The following ST3GAL1 variants were observed in gnomAD, a reference collection of about 807,000 sequenced individuals.
ST3GAL1 encodes ST3 beta-galactoside alpha-2,3-sialyltransferase 1.
ST3GAL1 carries 16 observed loss-of-function variants against 34.1 expected under a neutral mutation model. The observed-to-expected ratio is 0.47, with a 90% CI of 0.32 to 0.71. The LOEUF (loss-of-function observed/expected upper bound fraction) is 0.71, where lower values mean the gene tolerates loss of function less well. ST3GAL1 is among the 30% of genes least tolerant of loss of function. The probability of loss-of-function intolerance (pLI) is 0.04; values close to 1 mark genes in which losing one functional copy is unlikely to be tolerated. For missense variants in ST3GAL1, 353 were observed against 447.4 expected, an observed-to-expected ratio of 0.79 and a Z score of 1.90; for synonymous variants, 191 against 184.7, an observed-to-expected ratio of 1.03 and a Z score of -0.28.
At chr8:133,562,777 GTTTC>G (rs67569776) in intron 1 of ST3GAL1, among the ~76,000 whole-genome samples, 3,306 of 142,032 alleles carry the variant, frequency 0.023, 67 homozygotes, top group Middle Eastern at 0.057. Flanking sequence ...TAAGAAAAGG[GTTTC>G]TTTCTTTCTT....
intron 2 of ST3GAL1, among the ~76,000 whole-genome samples, chr8:133,499,628 G>A (rs757847551): frequency 6.6e-6 from 1 of 152,158 alleles, no homozygotes; most frequent in Non-Finnish European, 1.5e-5. Context: ...TGAGAGGATG[G>A]CACATCCTTT....
rs1432588605 is a variant in ST3GAL1, at chr8:133,515,173, A to G, written c.-428-15984T>C. 9.2e-5 allele frequency among the ~76,000 whole-genome samples: 14 copies of G among 152,262 alleles called. No individual in the cohort carries two copies. The East Asian group carries it at 1.9e-3, about 21-fold the overall frequency. On this transcript the variant is annotated intron_variant, in intron 2 of 9. Coordinates refer to ENST00000522652, the MANE Select transcript of ST3GAL1 (RefSeq NM_173344.3). ...CTCCGAGGACGAGGTCCTCACTGCC[A>G]TCTTGCAAGAGAGCTCGCTCCCATG...
chr8:133,556,871 A>G lies in ST3GAL1; in HGVS notation c.-581-10945T>C, dbSNP rs906200216. Among the ~76,000 whole-genome samples, 3 of 152,176 alleles carry G rather than the reference A, an allele frequency of 2.0e-5. No homozygotes were observed. The highest frequency in any genetic ancestry group is 7.2e-5 in the African/African-American group (3 of 41,436). ...TAGATGATAAAACTAAGTGGAGGGA[A>G]GTGGGAGGGAGGTTGGCAGCGGTGC... is the stretch of plus-strand genomic sequence containing the variant. On this transcript the variant is annotated intron_variant, in intron 1 of 9. Coordinates refer to ENST00000522652, the MANE Select transcript of ST3GAL1 (RefSeq NM_173344.3). The surrounding 1 kb of genome is among the most constrained non-coding windows in gnomAD (Gnocchi z 8.9).
intron 2 of ST3GAL1, among the ~76,000 whole-genome samples, chr8:133,502,150 A>G (rs7000952): frequency 0.75 from 113,642 of 151,994 alleles, 42,930 homozygotes; most frequent in African/African-American, 0.84. Context: ...TGATAATGTG[A>G]GGCCTGCTAT....
At chr8:133,540,445 C>T (rs140173510) in intron 2 of ST3GAL1, among the ~76,000 whole-genome samples, 1 of 152,228 alleles carries the variant, frequency 6.6e-6, no homozygotes, top group African/African-American at 2.4e-5. Context: ...ACCCATGTGA[C>T]ACTGCCCAGA....
chr8:133,522,245 G>A (rs1418690361), intron 2 of ST3GAL1, among the ~76,000 whole-genome samples: 1 of 152,134 alleles, frequency 6.6e-6, no homozygotes, highest in Non-Finnish European at 1.5e-5. Context: ...AAAGTTCAGA[G>A]GATGTGGAAA....
intron 3 of ST3GAL1, among the ~76,000 whole-genome samples, chr8:133,494,932 T>C (rs1247921401): frequency 6.1e-5 from 9 of 148,030 alleles, no homozygotes; most frequent in South Asian, 4.4e-4. Context: ...TTTTTTTTTT[T>C]TTTTGAGACA....
At chr8:133,511,987 A>G (rs911525130) in intron 2 of ST3GAL1, among the ~76,000 whole-genome samples, 2 of 152,210 alleles carry the variant, frequency 1.3e-5, no homozygotes, top group African/African-American at 4.8e-5. Context: ...CGGGAGGCAG[A>G]GGTTGCAGTG....
intron 3 of ST3GAL1, among the ~76,000 whole-genome samples, chr8:133,493,908 GT>G (rs1816863334): frequency 6.6e-6 from 1 of 151,396 alleles, no homozygotes; most frequent in South Asian, 2.1e-4. Flanking sequence ...CCTCTCTGGG[GT>G]TCTGACTCTT....
At chr8:133,525,683 G>A (rs116749453) in intron 2 of ST3GAL1, among the ~76,000 whole-genome samples, 6,232 of 152,188 alleles carry the variant, frequency 0.041, 293 homozygotes, top group African/African-American at 0.12. Context: ...TGTGCCTGTC[G>A]GTGACCAAAG....
At chr8:133,501,304 G>A (rs1004642146) in intron 2 of ST3GAL1, among the ~76,000 whole-genome samples, 3 of 152,178 alleles carry the variant, frequency 2.0e-5, no homozygotes, top group Admixed American at 2.0e-4. Context: ...CCCAGACACA[G>A]GCAGCTAGAG....
chr8:133,552,830 T>C (rs77000491), intron 1 of ST3GAL1, among the ~76,000 whole-genome samples: 2,248 of 152,212 alleles, frequency 0.015, 67 homozygotes, highest in African/African-American at 0.051. Context: ...ATAGCAACCA[T>C]AGGTTAAGTA....
intron 1 of ST3GAL1, among the ~76,000 whole-genome samples, chr8:133,564,716 A>G (rs1409188848): frequency 1.3e-5 from 2 of 152,232 alleles, no homozygotes; most frequent in Non-Finnish European, 2.9e-5. Context: ...TGACCTTCTC[A>G]GGAATCAAAA....
chr8:133,516,920 G>C lies in ST3GAL1; in HGVS notation c.-428-17731C>G, dbSNP rs139165602. On this transcript the variant is annotated intron_variant, in intron 2 of 9. Coordinates refer to ENST00000522652, the MANE Select transcript of ST3GAL1 (RefSeq NM_173344.3). ...ATCAGACTCCAGGCATCCAGCTGGA[G>C]GGACCCTCCAGAAAGAGATAGAGTT... Among the ~76,000 whole-genome samples, 201 of 152,332 alleles carry C rather than the reference G, an allele frequency of 1.3e-3. 1 individual carries two copies. The highest frequency in any genetic ancestry group is 4.7e-3 in the African/African-American group (195 of 41,578).
intron 9 of ST3GAL1, 125 bp from the exon 10 acceptor site, chr8:133,460,062 C>A (rs1586579170): frequency 9.8e-7 from 1 of 1,018,938 alleles, no homozygotes; most frequent in Non-Finnish European, 1.4e-6. Context: ...AGGACTCTGA[C>A]TAACCCTTCA....
intron 2 of ST3GAL1, among the ~76,000 whole-genome samples, chr8:133,537,251 T>C (rs1818338646): frequency 6.6e-6 from 1 of 152,090 alleles, no homozygotes; most frequent in African/African-American, 2.4e-5. Context: ...CATGCTACCC[T>C]CCAGGAACCT....
At chr8:133,528,881 G>A (rs1476308723) in intron 2 of ST3GAL1, among the ~76,000 whole-genome samples, 1 of 152,212 alleles carries the variant, frequency 6.6e-6, no homozygotes, top group Non-Finnish European at 1.5e-5. Flanking sequence ...GTCACAAGAC[G>A]GGGCATCAGC....
intron 5 of ST3GAL1, among the ~76,000 whole-genome samples, chr8:133,473,895 T>C (rs1278661751): frequency 1.3e-5 from 2 of 152,086 alleles, no homozygotes; most frequent in Non-Finnish European, 2.9e-5. Context: ...CAGACCCTAA[T>C]CCTTACCATG....
At position 133,474,840 on chromosome 8, in the gene ST3GAL1, T is replaced by C. The variant is rs112421179; in HGVS notation, c.306+879A>G. On this transcript the variant is annotated intron_variant, in intron 5 of 9. Coordinates refer to ENST00000522652, the MANE Select transcript of ST3GAL1 (RefSeq NM_173344.3). ...CTCTAAGTTTCTATGACAAACCTCA[T>C]TGGATCTGTCTTCAAAGCACTTCTG... Among the ~76,000 whole-genome samples, 656 of 152,320 alleles carry C rather than the reference T, an allele frequency of 4.3e-3. 4 individuals are homozygous for C. The highest frequency in any genetic ancestry group is 0.015 in the African/African-American group (629 of 41,564).
Sources: gnomAD v4.1 joint callset for allele counts (sites outside exome capture counted in the v4.1 genomes callset) on GRCh38, gnomAD v4.1.1 for gene constraint, Gnocchi (gnomAD v3.1) non-coding constraint, MANE v1.5 for transcripts, NCBI Gene and HGNC (gene_info 2026-07-23, HGNC 2026-07-21) for gene names.